The following BTG4 variants were observed in gnomAD, a reference collection of about 807,000 sequenced individuals.
BTG4 encodes the protein BTG anti-proliferation factor 4, also known as protein BTG4.
A neutral mutation model predicts 19.3 loss-of-function variants in BTG4; 10 were observed. The observed-to-expected ratio is 0.52, with a 90% CI of 0.32 to 0.88. BTG4 has a LOEUF of 0.88. Ranked by LOEUF, BTG4 falls within the 40% of genes least tolerant of loss-of-function variation. The probability of loss-of-function intolerance (pLI) is 0.04; values close to 1 mark genes in which losing one functional copy is unlikely to be tolerated. For missense variants in BTG4, 238 were observed against 281.9 expected (o/e 0.84, Z 1.11); for synonymous variants, 91 against 95.7 (o/e 0.95, Z 0.29).
the BTG4 span, among the ~76,000 whole-genome samples, chr11:111,404,188 C>T: frequency 6.6e-6 from 1 of 152,204 alleles, no homozygotes; most frequent in African/African-American, 2.4e-5. Flanking sequence ...CCATGTAAGA[C>T]ATGCCTTTCA....
At chr11:111,440,459 C>T in the BTG4 span, among the ~76,000 whole-genome samples, 2 of 152,230 alleles carry the variant, frequency 1.3e-5, no homozygotes, top group Non-Finnish European at 2.9e-5. Context: ...CCTATCCTTG[C>T]AAATAGAACA....
chr11:111,454,467 T>C, the BTG4 span: 2 of 368,632 alleles, frequency 5.4e-6, no homozygotes, highest in African/African-American at 4.3e-5. Flanking sequence ...GTCCAAAGAA[T>C]ATGGAACATA....
At chr11:111,507,695 G>A (rs1866553507) in intron 1 of BTG4, 1 of 152,188 alleles carries the variant, frequency 6.6e-6, no homozygotes, top group African/African-American at 2.4e-5. Flanking sequence ...TCTGCTTCCT[G>A]TGGGCTAACC....
chr11:111,460,179 TC>T, the BTG4 span: 1 of 152,578 alleles, frequency 6.6e-6, no homozygotes, highest in Admixed American at 6.5e-5. Flanking sequence ...ATCTCTGGTT[TC>T]TAAAGCCAGT....
chr11:111,457,406 G>A, the BTG4 span: 5 of 153,056 alleles, frequency 3.3e-5, no homozygotes, highest in Admixed American at 6.5e-5. Context: ...CAGGTCTCCC[G>A]GCAGCCCTCA....
downstream of BTG4, among the ~76,000 whole-genome samples, chr11:111,490,530 A>T (rs1241003676): frequency 1.3e-5 from 2 of 152,244 alleles, no homozygotes; most frequent in Admixed American, 6.5e-5. Context: ...ACAAAGCACC[A>T]GTGTCTAGAA....
chr11:111,493,855 C>G (rs941515322), downstream of BTG4, among the ~76,000 whole-genome samples: 21 of 152,134 alleles, frequency 1.4e-4, no homozygotes, highest in African/African-American at 5.1e-4. Flanking sequence ...GAGCTGCACC[C>G]AAAGTAATGA....
chr11:111,498,236 ATCCCCTCAGCCTCCT>A (rs1315948831), intron 2 of BTG4, 101 bp from the exon 3 acceptor site: 13 of 1,334,438 alleles, frequency 9.7e-6, no homozygotes, highest in South Asian at 9.1e-5. Flanking sequence ...CTCCCACCTC[ATCCCCTCAGCCTCCT>A]TCCCCTCAGC....
intron 5 of BTG4, among the ~76,000 whole-genome samples, chr11:111,486,583 A>G (rs955670237): frequency 6.6e-6 from 1 of 152,192 alleles, no homozygotes; most frequent in African/African-American, 2.4e-5. Flanking sequence ...GATACAACAG[A>G]AAAAAGAAAA....
chr11:111,454,565 C>A, the BTG4 span, among the ~76,000 whole-genome samples: 1 of 152,124 alleles, frequency 6.6e-6, no homozygotes, highest in Admixed American at 6.5e-5. Flanking sequence ...TTTCATGAAA[C>A]CTAGGGCTTC....
At chr11:111,402,286 A>G in the BTG4 span, among the ~76,000 whole-genome samples, 1 of 152,150 alleles carries the variant, frequency 6.6e-6, no homozygotes, top group African/African-American at 2.4e-5. Flanking sequence ...AGTCAATTAA[A>G]CATCTTTCCT....
At chr11:111,441,631 T>C in the BTG4 span, among the ~76,000 whole-genome samples, 1 of 152,262 alleles carries the variant, frequency 6.6e-6, no homozygotes, top group African/African-American at 2.4e-5. Flanking sequence ...TCCGTGACTG[T>C]GCCTCGCTTT....
chr11:111,388,548 G>C, the BTG4 span, among the ~76,000 whole-genome samples: 1 of 152,056 alleles, frequency 6.6e-6, no homozygotes, highest in South Asian at 2.1e-4. Flanking sequence ...CCTTTGTCTA[G>C]CTAAACACAT....
At chr11:111,439,387 G>C in the BTG4 span, among the ~76,000 whole-genome samples, 3 of 152,134 alleles carry the variant, frequency 2.0e-5, no homozygotes, top group Admixed American at 6.5e-5. Context: ...TGGATGCCCA[G>C]AAGGGCTCTT....
At chr11:111,464,496 CT>C (rs1332040785), downstream of BTG4, 2 of 152,314 alleles carry the variant, frequency 1.3e-5, no homozygotes, top group Non-Finnish European at 2.9e-5. Context: ...CTCCTTTTGG[CT>C]TTGGCCACAA....
the BTG4 span, among the ~76,000 whole-genome samples, chr11:111,434,453 G>A: frequency 3.9e-5 from 6 of 152,132 alleles, no homozygotes; most frequent in Non-Finnish European, 8.8e-5. Context: ...TGTAAATGAT[G>A]AGTTGATGGG....
chr11:111,469,694 ATTT>A (rs1863947589), intron 5 of BTG4: 1 of 152,732 alleles, frequency 6.5e-6, no homozygotes, highest in African/African-American at 2.4e-5. Context: ...CTCAAGCCCC[ATTT>A]TTCTTTCAAC....
chr11:111,439,611 C>T, the BTG4 span, among the ~76,000 whole-genome samples: 2 of 152,080 alleles, frequency 1.3e-5, no homozygotes, highest in Non-Finnish European at 2.9e-5. Flanking sequence ...CTTCCAGATG[C>T]CGTCCAGCCC....
At chr11:111,430,255 A>AGCTGT in the BTG4 span, among the ~76,000 whole-genome samples, 1 of 152,242 alleles carries the variant, frequency 6.6e-6, no homozygotes, top group African/African-American at 2.4e-5. Flanking sequence ...GATATATGTA[A>AGCTGT]GCTGTACATT....
Sources: allele counts gnomAD v4.1 joint callset (sites outside exome capture counted in the v4.1 genomes callset), GRCh38; gene constraint gnomAD v4.1.1; transcripts MANE v1.5; gene names NCBI Gene and HGNC (gene_info 2026-07-23, HGNC 2026-07-21).